B3GALT1: variants seen among roughly 807,000 people sequenced by gnomAD.
B3GALT1 encodes beta-1,3-galactosyltransferase 1.
In B3GALT1, 10 loss-of-function variants were observed where a neutral mutation model predicts 23.2. The ratio of observed to expected loss-of-function variants is 0.43; its 90% CI spans 0.27 to 0.73. The LOEUF (loss-of-function observed/expected upper bound fraction) is 0.73. Ranked by LOEUF, B3GALT1 falls within the 30% of genes least tolerant of loss-of-function variation. The pLI, the probability that B3GALT1 is intolerant of heterozygous loss-of-function variation, is 0.21. For missense variants in B3GALT1, 299 were observed against 405.4 expected (o/e 0.74, Z 2.25); for synonymous variants, 156 against 141.5 (o/e 1.10, Z -0.73).
chr2:167,836,722 T>C (rs1689484920), intron 4 of B3GALT1, among the ~76,000 whole-genome samples: 1 of 152,046 alleles, frequency 6.6e-6, no homozygotes, highest in Non-Finnish European at 1.5e-5. Context: ...AGACACATAA[T>C]TGTCAGATTC....
At chr2:167,425,508 A>G (rs1277715438) in intron 1 of B3GALT1, among the ~76,000 whole-genome samples, 1 of 152,232 alleles carries the variant, frequency 6.6e-6, no homozygotes, top group African/African-American at 2.4e-5. Flanking sequence ...AATATAGTTG[A>G]GAAAAAAATT....
intron 2 of B3GALT1, among the ~76,000 whole-genome samples, chr2:167,583,381 G>A (rs75028155): frequency 0.01 from 1,523 of 152,128 alleles, 31 homozygotes; most frequent in African/African-American, 0.035. Context: ...AGAGGTTCTT[G>A]TTCATACGTT....
At chr2:167,661,420 C>A (rs1268995256) in intron 3 of B3GALT1, among the ~76,000 whole-genome samples, 1 of 152,030 alleles carries the variant, frequency 6.6e-6, no homozygotes, top group Non-Finnish European at 1.5e-5. Flanking sequence ...TTTCTTCAAA[C>A]TGATGAAAAT....
chr2:167,805,962 A>G (rs1251993954), intron 3 of B3GALT1, among the ~76,000 whole-genome samples: 2 of 151,444 alleles, frequency 1.3e-5, no homozygotes, highest in Non-Finnish European at 2.9e-5. Context: ...ACCCATGAGC[A>G]TGGAATGTTC....
In B3GALT1 at chr2:167,664,676, A is replaced by C. The variant is rs183856904; in HGVS notation, c.-352+17710A>C. Among the ~76,000 whole-genome samples, 35 of 152,262 alleles carry C rather than the reference A, an allele frequency of 2.3e-4. No homozygotes were observed. The East Asian group carries it at 6.7e-3, about 29-fold the overall frequency. On this transcript the variant is annotated intron_variant, in intron 3 of 4. Transcript: ENST00000392690. ...GTAGTTCTCCTTAAAGAGATCCTTC[A>C]CATCCCTTGTAAGTTGGATTCCTAG...
chr2:167,530,115 A>G (rs548709232), intron 2 of B3GALT1, among the ~76,000 whole-genome samples: 1 of 152,196 alleles, frequency 6.6e-6, no homozygotes, highest in South Asian at 2.1e-4. Context: ...TCTCTGTGAC[A>G]CTGATCTCTA....
chr2:167,481,097 G>T (rs1470178794), intron 1 of B3GALT1, among the ~76,000 whole-genome samples: 1 of 152,120 alleles, frequency 6.6e-6, no homozygotes, highest in Non-Finnish European at 1.5e-5. Flanking sequence ...AAAGACGATT[G>T]TCTGCACTGT....
rs1209412829 is a variant in B3GALT1, at chr2:167,829,486, GA to G, written c.-230+10704del. The stretch of plus-strand genomic sequence containing the variant: ...TGACAGTGCAAGACTCCATCTCAAG[GA>G]AAAAAAAAAAGAAAAGAAGAAGAAA... On this transcript the variant is annotated intron_variant, in intron 4 of 4. Transcript: ENST00000392690. Among the ~76,000 whole-genome samples, 53 of 123,706 alleles carry G rather than the reference GA, an allele frequency of 4.3e-4. 1 individual carries two copies. Among genetic ancestry groups the G allele is most frequent in the Admixed American group, 1.5e-3 (18 of 12,040 alleles). The allele number at this position is 123,706 out of a possible 152,430, so 81.2% of individuals were successfully genotyped here.
rs549655714 is a variant in B3GALT1, at chr2:167,370,527, A to G, written c.-511+77193A>G. Reference sequence around the variant, plus strand: ...CAGGCCCCATTTTGGTGACTCTGAGATAGCAAGATTAGTCTACTGGAGCAA... The same window carrying G: ...CAGGCCCCATTTTGGTGACTCTGAGGTAGCAAGATTAGTCTACTGGAGCAA... On this transcript the variant is annotated intron_variant, in intron 1 of 4. Transcript: ENST00000392690. 2.5e-3 allele frequency among the ~76,000 whole-genome samples: 383 copies of G among 152,328 alleles called. 1 individual carries two copies. The highest frequency in any genetic ancestry group is 3.9e-3 in the Non-Finnish European group (263 of 68,036).
intron 1 of B3GALT1, among the ~76,000 whole-genome samples, chr2:167,468,596 G>A (rs533758074): frequency 1.3e-5 from 2 of 152,224 alleles, no homozygotes; most frequent in South Asian, 4.1e-4. Context: ...ACTTGGCCAG[G>A]CGCGGTGGCT....
intron 1 of B3GALT1, among the ~76,000 whole-genome samples, chr2:167,316,744 C>T (rs1432686919): frequency 1.3e-5 from 2 of 152,104 alleles, no homozygotes; most frequent in Non-Finnish European, 2.9e-5. Flanking sequence ...TACTCAGCAA[C>T]ACACACTTGA....
intron 1 of B3GALT1, among the ~76,000 whole-genome samples, chr2:167,442,957 A>G (rs1017253622): frequency 6.7e-5 from 10 of 149,668 alleles, no homozygotes; most frequent in African/African-American, 9.9e-5. Context: ...GCCCATGCCT[A>G]TGTCCTGAAT....
rs149269718 is a variant in B3GALT1, at chr2:167,821,528, G to A, written c.-230+2735G>A. The stretch of plus-strand genomic sequence containing the variant: ...CTGCTTACTGCAACCTCTGCCTCCT[G>A]GGTTCAAGTGATTCTCCTGCCTCAG... On this transcript the variant is annotated intron_variant, in intron 4 of 4. Coordinates refer to ENST00000392690, the MANE Select transcript of B3GALT1 (RefSeq NM_020981.4). Among the ~76,000 whole-genome samples the A allele has an allele frequency of 9.9e-3, 1,464 of 148,126 alleles. 31 individuals are homozygous for A. Among genetic ancestry groups the A allele is most frequent in the African/African-American group, 0.035 (1,397 of 39,848 alleles).
chr2:167,475,652 G>A (rs1699475431), intron 1 of B3GALT1, among the ~76,000 whole-genome samples: 1 of 152,134 alleles, frequency 6.6e-6, no homozygotes, highest in Non-Finnish European at 1.5e-5. Context: ...TGGAAGACAT[G>A]ACCAGAAATG....
At chr2:167,656,706 C>T (rs993125803) in intron 3 of B3GALT1, among the ~76,000 whole-genome samples, 4 of 152,118 alleles carry the variant, frequency 2.6e-5, no homozygotes, top group South Asian at 2.1e-4. Context: ...TGTCCTACAG[C>T]TTATTGTTGG....
intron 4 of B3GALT1, among the ~76,000 whole-genome samples, chr2:167,864,804 A>G (rs756608869): frequency 6.6e-6 from 1 of 152,078 alleles, no homozygotes; most frequent in Non-Finnish European, 1.5e-5. Flanking sequence ...CTCTTATAAC[A>G]CTGTCAGGAA....
At chr2:167,322,741 T>A (rs1438122335) in intron 1 of B3GALT1, among the ~76,000 whole-genome samples, 1 of 152,042 alleles carries the variant, frequency 6.6e-6, no homozygotes, top group Non-Finnish European at 1.5e-5. Flanking sequence ...CCTGTAATAA[T>A]CATGTAACTA....
chr2:167,730,724 C>A (rs1443463360), intron 3 of B3GALT1, among the ~76,000 whole-genome samples: 1 of 152,090 alleles, frequency 6.6e-6, no homozygotes, highest in African/African-American at 2.4e-5. Context: ...TAGCAGGAAA[C>A]TGAATAAAAT....
chr2:167,686,514 G>A (rs1686618460), intron 3 of B3GALT1, among the ~76,000 whole-genome samples: 1 of 152,140 alleles, frequency 6.6e-6, no homozygotes, highest in Non-Finnish European at 1.5e-5. Context: ...TCTACTGTAA[G>A]TTCTCAAGTT....
Sources: allele counts gnomAD v4.1 joint callset (sites outside exome capture counted in the v4.1 genomes callset), GRCh38; gene constraint gnomAD v4.1.1; transcripts MANE v1.5; gene names NCBI Gene and HGNC (gene_info 2026-07-23, HGNC 2026-07-21).